The following RHOG variants were observed in gnomAD, a reference collection of about 807,000 sequenced individuals.
RHOG encodes the protein ras homolog family member G.
Under a neutral mutation model 12.3 loss-of-function variants are expected in RHOG, and 1 was observed. The ratio of observed to expected loss-of-function variants is 0.08; its 90% CI spans 0.03 to 0.39. The LOEUF (loss-of-function observed/expected upper bound fraction) is 0.39, where lower values mean the gene tolerates loss of function less well. RHOG is among the 10% of genes least tolerant of loss of function. The pLI is 0.99. For synonymous variants in RHOG, 129 were observed against 116.0 expected (o/e 1.11, Z -0.72); for missense variants, 114 against 266.2 (o/e 0.43, Z 3.98).
chr11:3,829,971 T>C (rs2090116536), intron 1 of RHOG, among the ~76,000 whole-genome samples: 1 of 152,120 alleles, frequency 6.6e-6, no homozygotes, highest in South Asian at 2.1e-4. Context: ...AGTCTTGAAC[T>C]CCTGACCTTG....
At chr11:3,833,641 C>G (rs1404496570) in intron 1 of RHOG, among the ~76,000 whole-genome samples, 5 of 152,202 alleles carry the variant, frequency 3.3e-5, no homozygotes, top group Non-Finnish European at 7.3e-5. Context: ...ATTTCCTTAT[C>G]TTTCAAATGC....
intron 1 of RHOG, among the ~76,000 whole-genome samples, chr11:3,835,364 C>A (rs1397288201): frequency 6.6e-6 from 1 of 152,196 alleles, no homozygotes; most frequent in Non-Finnish European, 1.5e-5. Context: ...TCACAGCAAC[C>A]CCCTCTTCTG....
chr11:3,840,216 C>T (rs1159615631), intron 1 of RHOG, among the ~76,000 whole-genome samples: 1 of 152,144 alleles, frequency 6.6e-6, no homozygotes, highest in African/African-American at 2.4e-5. Context: ...AGAGCAAGGC[C>T]AGGCTCTGGT....
At chr11:3,829,692 A>C (rs1276523630) in intron 1 of RHOG, among the ~76,000 whole-genome samples, 2 of 152,120 alleles carry the variant, frequency 1.3e-5, no homozygotes, top group Non-Finnish European at 2.9e-5. Context: ...AATGAGGTAG[A>C]GGCTGAGGCT....
chr11:3,839,024 C>T (rs1290985297), intron 1 of RHOG, among the ~76,000 whole-genome samples: 2 of 152,112 alleles, frequency 1.3e-5, no homozygotes, highest in African/African-American at 2.4e-5. Flanking sequence ...TAGGCAGGCC[C>T]CAGAAGGTAG....
chr11:3,838,819 C>T (rs1268347359), intron 1 of RHOG, among the ~76,000 whole-genome samples: 6 of 152,102 alleles, frequency 3.9e-5, no homozygotes, highest in Admixed American at 3.9e-4. Context: ...GGATGGAGCT[C>T]TAGAGTGGAA....
chr11:3,839,781 G>A lies in RHOG; in HGVS notation c.-69+1113C>T, dbSNP rs1029873980. On this transcript the variant is annotated intron_variant, in intron 1 of 1. Transcript: ENST00000351018. ...AGTGGGTGGGAGGGAAGGATACAGA[G>A]AGGGTGACAGGCTGAGGGTTCAAAA... is the stretch of plus-strand genomic sequence containing the variant. 5.3e-5 allele frequency among the ~76,000 whole-genome samples: 8 copies of A among 152,282 alleles called. No individual in the cohort carries two copies. In the East Asian group the frequency reaches 7.7e-4, roughly 15 times the overall value.
intron 1 of RHOG, among the ~76,000 whole-genome samples, chr11:3,839,606 C>CACACACACACACACACAG (rs1165526601): frequency 8.0e-5 from 12 of 149,756 alleles, no homozygotes; most frequent in African/African-American, 2.9e-4. Context: ...CACGCAAACA[C>CACACACACACACACACAG]ACACACACAC....
intron 1 of RHOG, among the ~76,000 whole-genome samples, chr11:3,831,873 G>T (rs910967959): frequency 1.2e-4 from 19 of 152,182 alleles, no homozygotes; most frequent in African/African-American, 4.1e-4. Flanking sequence ...CAGGCAGGAA[G>T]GCAAGGAGGG....
At chr11:3,840,222 C>T (rs2090182688) in intron 1 of RHOG, among the ~76,000 whole-genome samples, 1 of 152,170 alleles carries the variant, frequency 6.6e-6, no homozygotes, top group African/African-American at 2.4e-5. Context: ...AGGCCAGGCT[C>T]TGGTCAGCTA....
rs1172314691 is a variant in RHOG, at chr11:3,840,949, G to C, written c.-124C>G. On this transcript the variant is annotated 5_prime_UTR_variant, in exon 1 of 2. Coordinates refer to ENST00000351018, the MANE Select transcript of RHOG (RefSeq NM_001665.4). The stretch of plus-strand genomic sequence containing the variant: ...GGGCGGCGGCAGCGGCTCCGGGCTC[G>C]AGAAGGAAGTGAGAGCGGGAGGCCG... 1.3e-5 allele frequency: 2 copies of C among 151,534 alleles called. No individual in the cohort carries two copies. The highest frequency in any genetic ancestry group is 3.9e-4 in the East Asian group (2 of 5,090). The allele number at this position is 151,534 out of a possible 1,614,324, so 9.4% of individuals were successfully genotyped here.
chr11:3,835,973 C>T (rs931792051), intron 1 of RHOG, among the ~76,000 whole-genome samples: 2 of 151,630 alleles, frequency 1.3e-5, no homozygotes, highest in African/African-American at 4.9e-5. Context: ...GGGACTGGGA[C>T]CAGGCCAAGG....
intron 1 of RHOG, among the ~76,000 whole-genome samples, chr11:3,833,515 T>C (rs1451439092): frequency 4.6e-5 from 7 of 152,216 alleles, no homozygotes; most frequent in Admixed American, 2.0e-4. Flanking sequence ...CATTCAGAGT[T>C]CTTCACAATT....
At position 3,827,550 on chromosome 11, in the gene RHOG, C is replaced by T. The variant is rs1476571472; in HGVS notation, c.*13G>A. Reference sequence around the variant, plus strand: ...GGGGAGGGCAGGGGCAGCCTCCAAGCCAAGTGCCAGGGTCACAAGAGGATG... The same window carrying T: ...GGGGAGGGCAGGGGCAGCCTCCAAGTCAAGTGCCAGGGTCACAAGAGGATG... On this transcript the variant is annotated 3_prime_UTR_variant, in exon 2 of 2. Coordinates refer to ENST00000351018, the MANE Select transcript of RHOG (RefSeq NM_001665.4). This position sits in a 1 kb window ranked among gnomAD's most constrained non-coding sequence, Gnocchi z 7.3. 1 of 1,593,172 alleles carries T rather than the reference C, an allele frequency of 6.3e-7. No homozygotes were observed. Among genetic ancestry groups the T allele is most frequent in the Non-Finnish European group, 8.5e-7 (1 of 1,172,806 alleles).
At chr11:3,834,281 T>TA (rs2090144989) in intron 1 of RHOG, among the ~76,000 whole-genome samples, 1 of 152,166 alleles carries the variant, frequency 6.6e-6, no homozygotes, top group Non-Finnish European at 1.5e-5. Flanking sequence ...CAGTCATACG[T>TA]AAGTTTCCCA....
At chr11:3,838,223 ACC>A in intron 1 of RHOG, among the ~76,000 whole-genome samples, 1 of 151,754 alleles carries the variant, frequency 6.6e-6, no homozygotes, top group East Asian at 1.9e-4. Context: ...TGTAGCCACC[ACC>A]TCCCTTTACC....
chr11:3,830,992 A>G (rs776548679), intron 1 of RHOG, among the ~76,000 whole-genome samples: 1 of 151,952 alleles, frequency 6.6e-6, no homozygotes, highest in East Asian at 1.9e-4. Context: ...GTCTCCCACA[A>G]CCAGGGCCTG....
chr11:3,838,313 A>C (rs1472531625), intron 1 of RHOG, among the ~76,000 whole-genome samples: 1 of 152,176 alleles, frequency 6.6e-6, no homozygotes, highest in African/African-American at 2.4e-5. Flanking sequence ...AATTAGCTCA[A>C]ACTTCCAATG....
rs772785386 is a variant in RHOG at position 3,828,025 on chromosome 11, G to A, written c.114C>T (p.Asp38=). Residue 38 remains aspartate, a synonymous_variant, in exon 2 of 2, where the codon GAC becomes GAT. Coordinates refer to ENST00000351018, the MANE Select transcript of RHOG (RefSeq NM_001665.4). ...CAACTGCGCTCTGCGCGCTGTAATT[G>A]TCGAACACGGTGGGGATGTACTCTT... ...FPKEYIPTVF[D]NYSAQSAVDG... 4.3e-6 allele frequency: 7 copies of A among 1,614,292 alleles called. No individual in the cohort carries two copies. In the South Asian group the frequency reaches 6.6e-5, roughly 15 times the overall value.
Sources: allele counts gnomAD v4.1 joint callset (sites outside exome capture counted in the v4.1 genomes callset), GRCh38; gene constraint gnomAD v4.1.1; non-coding constraint Gnocchi (gnomAD v3.1); transcripts MANE v1.5; gene names NCBI Gene and HGNC (gene_info 2026-07-23, HGNC 2026-07-21).